METTL15: variants seen among roughly 807,000 people sequenced by gnomAD.
METTL15 encodes the protein 12S rRNA N(4)-cytidine methyltransferase METTL15.
Under a neutral mutation model 38.3 loss-of-function variants are expected in METTL15, and 34 were observed. The ratio of observed to expected loss-of-function variants is 0.89; its 90% CI spans 0.68 to 1.18. The LOEUF (loss-of-function observed/expected upper bound fraction) is 1.18, where lower values mean the gene tolerates loss of function less well. Ranked by LOEUF, METTL15 falls within the 50% of genes most tolerant of loss-of-function variation. METTL15 has a pLI of 0.00. For missense variants in METTL15, 438 were observed against 498.4 expected (o/e 0.88, Z 1.15); for synonymous variants, 162 against 170.9 (o/e 0.95, Z 0.41).
chr11:28,262,893 C>G (rs780889590), intron 4 of METTL15, among the ~76,000 whole-genome samples: 2 of 152,034 alleles, frequency 1.3e-5, no homozygotes, highest in Non-Finnish European at 2.9e-5. Context: ...CATGAAGCTT[C>G]AAAACTACAT....
At chr11:28,211,039 T>G (rs1852614070) in intron 3 of METTL15, 23 bp from the exon 4 acceptor site, 1 of 1,592,800 alleles carries the variant, frequency 6.3e-7, no homozygotes. Flanking sequence ...TAAGTTGTAA[T>G]TTTCTTTTTC....
At chr11:28,494,576 T>C (rs1851521262) in intron 6 of METTL15, among the ~76,000 whole-genome samples, 1 of 152,186 alleles carries the variant, frequency 6.6e-6, no homozygotes. Context: ...GAGAATGATA[T>C]GGTTTGGCTG....
chr11:28,508,980 C>A (rs1252186051), intron 6 of METTL15, among the ~76,000 whole-genome samples: 1 of 152,172 alleles, frequency 6.6e-6, no homozygotes, highest in Non-Finnish European at 1.5e-5. Context: ...ATAAGGGAGC[C>A]AGTTTTCATG....
intron 4 of METTL15, among the ~76,000 whole-genome samples, chr11:28,242,420 C>G (rs1854338994): frequency 6.6e-6 from 1 of 152,096 alleles, no homozygotes; most frequent in South Asian, 2.1e-4. Context: ...AATTATTGAG[C>G]ATGAACTAAA....
chr11:28,350,489 G>A (rs571318702), intron 3 of METTL15, among the ~76,000 whole-genome samples: 7 of 152,246 alleles, frequency 4.6e-5, no homozygotes, highest in African/African-American at 1.7e-4. Context: ...ATCAATCCAA[G>A]TAAACTAAAA....
At chr11:28,346,034 A>G (rs1590340485) in intron 3 of METTL15, among the ~76,000 whole-genome samples, 1 of 152,238 alleles carries the variant, frequency 6.6e-6, no homozygotes, top group Non-Finnish European at 1.5e-5. Context: ...TGTCAAAGCT[A>G]TCACTCATAT....
intron 5 of METTL15, among the ~76,000 whole-genome samples, chr11:28,386,087 C>A (rs929909321): frequency 2.0e-5 from 3 of 151,434 alleles, no homozygotes; most frequent in Admixed American, 1.3e-4. Context: ...TCCATGGTGA[C>A]CACAAAATAA....
intron 4 of METTL15, among the ~76,000 whole-genome samples, chr11:28,243,162 G>T (rs1329349921): frequency 6.6e-6 from 1 of 151,704 alleles, no homozygotes; most frequent in Non-Finnish European, 1.5e-5. Context: ...TGATTTTAAA[G>T]ATAAATGCCA....
At chr11:28,359,749 A>G (rs906503756) in intron 4 of METTL15, among the ~76,000 whole-genome samples, 1 of 152,076 alleles carries the variant, frequency 6.6e-6, no homozygotes, top group Non-Finnish European at 1.5e-5. Context: ...CTGTTTTGCA[A>G]CTCACCAGAA....
intron 6 of METTL15, among the ~76,000 whole-genome samples, chr11:28,428,595 TA>T (rs1376789083): frequency 6.6e-6 from 1 of 152,206 alleles, no homozygotes; most frequent in Non-Finnish European, 1.5e-5. Context: ...GGGACTGGCT[TA>T]ATTTCTGTAA....
chr11:28,291,368 T>G (rs1231250105), intron 5 of METTL15, among the ~76,000 whole-genome samples: 3 of 152,116 alleles, frequency 2.0e-5, no homozygotes, highest in Non-Finnish European at 4.4e-5. Flanking sequence ...ATATTAATTG[T>G]CTAAATTAAT....
chr11:28,122,471 T>C (rs1256523305), intron 3 of METTL15, among the ~76,000 whole-genome samples: 1 of 151,202 alleles, frequency 6.6e-6, no homozygotes, highest in Admixed American at 6.6e-5. Flanking sequence ...GAAGTAAACA[T>C]TATTTATAAC....
At chr11:28,525,269 C>T (rs1851800575) in intron 6 of METTL15, among the ~76,000 whole-genome samples, 1 of 152,162 alleles carries the variant, frequency 6.6e-6, no homozygotes, top group South Asian at 2.1e-4. Flanking sequence ...TGGCCCCACG[C>T]ACATCCTGCT....
At chr11:28,237,781 G>A (rs1854073473) in intron 4 of METTL15, among the ~76,000 whole-genome samples, 2 of 152,098 alleles carry the variant, frequency 1.3e-5, no homozygotes, top group South Asian at 2.1e-4. Flanking sequence ...ATGGGTTTTT[G>A]GTGTGGATGT....
At chr11:28,248,225 C>A (rs937297679) in intron 4 of METTL15, among the ~76,000 whole-genome samples, 3 of 152,030 alleles carry the variant, frequency 2.0e-5, no homozygotes, top group Non-Finnish European at 4.4e-5. Flanking sequence ...TATTCCTGCC[C>A]CATGAACAAT....
At chr11:28,157,075 C>G (rs1324087583) in intron 3 of METTL15, among the ~76,000 whole-genome samples, 1 of 152,128 alleles carries the variant, frequency 6.6e-6, no homozygotes, top group East Asian at 1.9e-4. Context: ...ATGGCTAATA[C>G]TGAGTGTCAA....
chr11:28,475,088 A>G (rs566014992), intron 6 of METTL15, among the ~76,000 whole-genome samples: 1 of 152,296 alleles, frequency 6.6e-6, no homozygotes, highest in South Asian at 2.1e-4. Flanking sequence ...TCAGTTAAGC[A>G]GTTGTACTCA....
chr11:28,233,801 C>CT (rs950533272), intron 4 of METTL15, among the ~76,000 whole-genome samples: 23 of 150,928 alleles, frequency 1.5e-4, no homozygotes, highest in East Asian at 2.0e-4. Flanking sequence ...TCCATTCTTT[C>CT]TTTTTTTTTA....
chr11:28,246,636 A>C (rs1040289329), intron 4 of METTL15, among the ~76,000 whole-genome samples: 4 of 152,184 alleles, frequency 2.6e-5, no homozygotes, highest in Non-Finnish European at 1.5e-5. Flanking sequence ...TTGCAGTTCT[A>C]GCTACTATAT....
Sources: allele counts gnomAD v4.1 joint callset (sites outside exome capture counted in the v4.1 genomes callset), GRCh38; gene constraint gnomAD v4.1.1; transcripts MANE v1.5; gene names NCBI Gene and HGNC (gene_info 2026-07-23, HGNC 2026-07-21).